EYA2: variants seen among roughly 807,000 people sequenced by gnomAD.
EYA2 encodes the protein EYA transcriptional coactivator and phosphatase 2, also known as protein phosphatase EYA2.
In EYA2, 31 loss-of-function variants were observed where a neutral mutation model predicts 69.2. The ratio of observed to expected loss-of-function variants is 0.45; its 90% CI spans 0.34 to 0.60. The LOEUF is 0.60. Ranked by LOEUF, EYA2 falls within the 20% of genes least tolerant of loss-of-function variation. EYA2 has a pLI of 0.02. For missense variants in EYA2, 622 were observed against 701.2 expected (o/e 0.89, Z 1.28); for synonymous variants, 257 against 279.4 (o/e 0.92, Z 0.80).
intron 5 of EYA2, among the ~76,000 whole-genome samples, chr20:47,041,491 A>C (rs1348892231): frequency 6.6e-6 from 1 of 152,216 alleles, no homozygotes; most frequent in Non-Finnish European, 1.5e-5. Context: ...ACAGATGGTA[A>C]AAACCTAACC....
At chr20:47,035,688 C>T (rs1010451049) in intron 5 of EYA2, among the ~76,000 whole-genome samples, 3 of 152,036 alleles carry the variant, frequency 2.0e-5, no homozygotes, top group Admixed American at 6.5e-5. Flanking sequence ...AATTAATGGT[C>T]AGTGTAGTGA....
At chr20:47,131,444 T>G (rs2154035) in intron 9 of EYA2, among the ~76,000 whole-genome samples, 42,203 of 152,128 alleles carry the variant, frequency 0.28, 7,245 homozygotes, top group East Asian at 0.4. Flanking sequence ...TTTGGCAATT[T>G]TATAATTGCA....
intron 1 of EYA2, among the ~76,000 whole-genome samples, chr20:46,951,113 G>A (rs950672579): frequency 7.2e-5 from 11 of 152,166 alleles, no homozygotes; most frequent in Admixed American, 5.2e-4. Context: ...GGTATTTGCC[G>A]AAGGGATTTA....
intron 1 of EYA2, among the ~76,000 whole-genome samples, chr20:46,983,684 G>T (rs1185074746): frequency 6.6e-6 from 1 of 152,104 alleles, no homozygotes; most frequent in Non-Finnish European, 1.5e-5. Context: ...TACCTCTGTG[G>T]TTCTCATATT....
At chr20:46,966,575 G>A (rs1201509342) in intron 1 of EYA2, among the ~76,000 whole-genome samples, 2 of 152,160 alleles carry the variant, frequency 1.3e-5, no homozygotes, top group African/African-American at 2.4e-5. Flanking sequence ...TTGGGAGGCC[G>A]AGGTGGGCGG....
At chr20:47,182,752 A>G (rs1291552017) in intron 14 of EYA2, among the ~76,000 whole-genome samples, 3 of 152,018 alleles carry the variant, frequency 2.0e-5, no homozygotes, top group African/African-American at 4.8e-5. Context: ...CCTGGCCAAC[A>G]TGGTGAAGCC....
At chr20:47,100,570 G>A (rs117262010) in intron 9 of EYA2, among the ~76,000 whole-genome samples, 1,864 of 152,324 alleles carry the variant, frequency 0.012, 20 homozygotes, top group Admixed American at 0.024. Flanking sequence ...AGGAGAAACT[G>A]AGGCTCAGAG....
intron 2 of EYA2, 44 bp downstream of exon 2, chr20:46,990,163 C>G (rs1216738319): frequency 2.0e-6 from 2 of 1,017,120 alleles, no homozygotes; most frequent in African/African-American, 3.1e-5. Flanking sequence ...TGTGGTGGTC[C>G]TAGGTCACCC....
intron 9 of EYA2, among the ~76,000 whole-genome samples, chr20:47,119,695 T>A (rs747267223): frequency 6.6e-6 from 1 of 151,752 alleles, no homozygotes; most frequent in Non-Finnish European, 1.5e-5. Flanking sequence ...GGGTACAGAG[T>A]TTCCTTTTAG....
intron 9 of EYA2, among the ~76,000 whole-genome samples, chr20:47,108,886 C>T (rs1263630359): frequency 6.6e-6 from 1 of 152,018 alleles, no homozygotes; most frequent in Non-Finnish European, 1.5e-5. Context: ...CCCTCTGGCT[C>T]TCCCCGGGGA....
chr20:47,151,801 C>T (rs1034583067), intron 10 of EYA2, among the ~76,000 whole-genome samples: 1 of 151,946 alleles, frequency 6.6e-6, no homozygotes, highest in African/African-American at 2.4e-5. Flanking sequence ...TGTTCCCCAC[C>T]AGCTGTGTAT....
chr20:47,187,851 G>T (rs1462457644), intron 15 of EYA2, among the ~76,000 whole-genome samples: 2 of 152,242 alleles, frequency 1.3e-5, no homozygotes, highest in East Asian at 1.9e-4. Context: ...GTCAGAGCAG[G>T]CTCTGAATAG....
chr20:47,130,917 C>G (rs528430341), intron 9 of EYA2, among the ~76,000 whole-genome samples: 1 of 152,238 alleles, frequency 6.6e-6, no homozygotes, highest in African/African-American at 2.4e-5. Flanking sequence ...TGGTGAAACC[C>G]CATCTCTACT....
At chr20:47,086,013 G>A (rs535213685) in intron 7 of EYA2, among the ~76,000 whole-genome samples, 140 of 152,264 alleles carry the variant, frequency 9.2e-4, no homozygotes, top group African/African-American at 2.5e-3. Flanking sequence ...TCAGTAATGC[G>A]TTAAATAAGT....
chr20:47,001,787 C>CTTTTTTT (rs61340904), intron 3 of EYA2, among the ~76,000 whole-genome samples: 1 of 147,446 alleles, frequency 6.8e-6, no homozygotes, highest in African/African-American at 2.5e-5. Context: ...TCTCTTCATT[C>CTTTTTTT]TTTTTTTTTT....
chr20:46,959,641 T>TGCACGCACAC (rs71183223), intron 1 of EYA2, among the ~76,000 whole-genome samples: 17 of 151,788 alleles, frequency 1.1e-4, no homozygotes, highest in African/African-American at 3.6e-4. Flanking sequence ...CGTGCACACA[T>TGCACGCACAC]GCACGCACAC....
intron 10 of EYA2, among the ~76,000 whole-genome samples, chr20:47,167,693 C>G (rs1463377790): frequency 1.3e-5 from 2 of 152,132 alleles, no homozygotes; most frequent in East Asian, 3.9e-4. Flanking sequence ...CCTCTCCTTT[C>G]TGTCATCAGA....
intron 1 of EYA2, among the ~76,000 whole-genome samples, chr20:46,934,990 T>C (rs776304872): frequency 6.6e-6 from 1 of 152,208 alleles, no homozygotes; most frequent in Non-Finnish European, 1.5e-5. Context: ...ATAAGCAAAG[T>C]CCCTGATTAT....
chr20:46,926,010 A>G (rs182038462), intron 1 of EYA2, among the ~76,000 whole-genome samples: 83 of 152,332 alleles, frequency 5.4e-4, no homozygotes, highest in Admixed American at 1.1e-3. Flanking sequence ...CCAGGCACCA[A>G]TTTGATAAAA....
Sources: allele counts gnomAD v4.1 joint callset (sites outside exome capture counted in the v4.1 genomes callset), GRCh38; gene constraint gnomAD v4.1.1; transcripts MANE v1.5; gene names NCBI Gene and HGNC (gene_info 2026-07-23, HGNC 2026-07-21).